Variants in BACH1 observed in about 807,000 individuals in gnomAD.
BACH1 encodes transcription regulator protein BACH1.
BACH1 carries 35 observed loss-of-function variants against 52.9 expected under a neutral mutation model. The observed-to-expected ratio is 0.66, with a 90% CI of 0.51 to 0.88. The LOEUF (loss-of-function observed/expected upper bound fraction) is 0.88, where lower values mean the gene tolerates loss of function less well. Ranked by LOEUF, BACH1 falls within the 40% of genes least tolerant of loss-of-function variation. The pLI, the probability that BACH1 is intolerant of heterozygous loss-of-function variation, is 0.00. For synonymous variants in BACH1, 321 were observed against 319.6 expected (o/e 1.00, Z -0.05); for missense variants, 808 against 872.6 (o/e 0.93, Z 0.93).
At chr21:29,301,050 G>A (rs1205108424) in intron 1 of BACH1, among the ~76,000 whole-genome samples, 1 of 152,156 alleles carries the variant, frequency 6.6e-6, no homozygotes, top group Non-Finnish European at 1.5e-5. Flanking sequence ...AATGGGAAAT[G>A]TAGAGCTGGG....
intron 4 of BACH1, among the ~76,000 whole-genome samples, chr21:29,339,718 C>T (rs536154553): frequency 2.6e-5 from 4 of 151,104 alleles, no homozygotes; most frequent in African/African-American, 7.3e-5. Flanking sequence ...CCGCAACCTC[C>T]GTCTCCCAGG....
intron 2 of BACH1, 119 bp downstream of exon 2, chr21:29,321,633 T>C (rs1202837391): frequency 1.2e-6 from 1 of 827,830 alleles, no homozygotes; most frequent in Non-Finnish European, 1.8e-6. Context: ...TTTCCCAGGT[T>C]CTGTGCAACC....
intron 1 of BACH1, among the ~76,000 whole-genome samples, chr21:29,300,598 A>G (rs905152749): frequency 2.6e-5 from 4 of 152,198 alleles, no homozygotes; most frequent in African/African-American, 7.2e-5. Flanking sequence ...ACTGGGGAAG[A>G]AATTTGCAGC....
rs2088914537 is a variant in BACH1 at position 29,326,586 on chromosome 21, G to T, written c.762G>T (p.Gln254His). 2 of 1,614,082 alleles carry T rather than the reference G, an allele frequency of 1.2e-6. No individual in the cohort carries two copies. Among genetic ancestry groups the T allele is most frequent in the South Asian group, 1.1e-5 (1 of 91,090 alleles). The change falls in exon 3 of 5, where the codon CAG (glutamine) becomes CAT (histidine). Residue 254 changes from glutamine (Q) to histidine (H), a missense_variant. Coordinates refer to ENST00000286800, the MANE Select transcript of BACH1 (RefSeq NM_001186.4). ...SSVKDIHASVQPNERSENECL... is the reference protein window; with the variant it reads ...SSVKDIHASVHPNERSENECL... ...TCAAAGACATTCATGCTTCTGTTCA[G>T]CCAAATGAAAGGTCTGAAAATGAAT...
At chr21:29,321,162 G>A in intron 1 of BACH1, 59 bp from the exon 2 acceptor site, 1 of 888,380 alleles carries the variant, frequency 1.1e-6, no homozygotes, top group South Asian at 1.6e-5. Context: ...GCCTGTATTT[G>A]ACACTGTCAT....
downstream of BACH1, among the ~76,000 whole-genome samples, chr21:29,350,574 C>T (rs538421571): frequency 2.6e-5 from 4 of 152,332 alleles, no homozygotes; most frequent in African/African-American, 9.6e-5. Context: ...ACCACCTATA[C>T]TCCGCTAATC....
At chr21:29,313,718 C>T (rs1040868999) in intron 1 of BACH1, among the ~76,000 whole-genome samples, 2 of 151,998 alleles carry the variant, frequency 1.3e-5, no homozygotes, top group African/African-American at 4.8e-5. Context: ...AGTAAGAGTA[C>T]ATAATATGTG....
intron 2 of BACH1, among the ~76,000 whole-genome samples, chr21:29,322,691 A>G (rs895426005): frequency 6.6e-6 from 1 of 152,234 alleles, no homozygotes; most frequent in Non-Finnish European, 1.5e-5. Flanking sequence ...ACGGTTGGAT[A>G]AACTGTAAAC....
rs145211547 is a variant in BACH1, at chr21:29,343,179, A to G, written c.*346A>G. The stretch of plus-strand genomic sequence containing the variant: ...TCAGACAGCAATTTAACAGCTTGAA[A>G]CATCTACAGATAGTTCCTACTAAAA... On this transcript the variant is annotated 3_prime_UTR_variant, in exon 5 of 5. Transcript: ENST00000286800. 2.2e-3 allele frequency: 371 copies of G among 169,048 alleles called. 5 individuals carry two copies. Among genetic ancestry groups the G allele is most frequent in the Admixed American group, 0.015 (260 of 17,636 alleles). 10.5% of individuals were successfully genotyped at this position (169,048 alleles called of 1,614,324 possible). A position where few individuals can be genotyped will look rare whatever the true frequency, so the allele number is the denominator to read the frequency against.
intron 4 of BACH1, among the ~76,000 whole-genome samples, chr21:29,341,296 C>G (rs890428909): frequency 2.0e-5 from 3 of 152,164 alleles, no homozygotes; most frequent in Admixed American, 1.3e-4. Flanking sequence ...CCTCAACTCT[C>G]CAGAACCTGT....
chr21:29,331,984 T>TC (rs2088988949), intron 4 of BACH1, among the ~76,000 whole-genome samples: 1 of 152,158 alleles, frequency 6.6e-6, no homozygotes, highest in Admixed American at 6.5e-5. Flanking sequence ...CACTGCAACT[T>TC]CCGCTTCCCG....
chr21:29,315,426 T>A (rs1283138912), intron 1 of BACH1, among the ~76,000 whole-genome samples: 2 of 152,116 alleles, frequency 1.3e-5, no homozygotes, highest in Non-Finnish European at 2.9e-5. Flanking sequence ...TGAAAGTAAT[T>A]GACAGGTTGA....
intron 2 of BACH1, among the ~76,000 whole-genome samples, chr21:29,351,400 C>T (rs978987038): frequency 6.6e-6 from 1 of 152,162 alleles, no homozygotes; most frequent in African/African-American, 2.4e-5. Context: ...CTATTAATTT[C>T]AGAGAATCTT....
intron 1 of BACH1, among the ~76,000 whole-genome samples, chr21:29,301,370 A>G (rs2088601781): frequency 6.6e-6 from 1 of 152,236 alleles, no homozygotes; most frequent in Non-Finnish European, 1.5e-5. Flanking sequence ...TGCTGGGGGA[A>G]CATAGCCTGT....
In BACH1 at chr21:29,354,505, G is replaced by C. The variant is rs371735001; in HGVS notation, c.472+24812G>C. Among the ~76,000 whole-genome samples the C allele has an allele frequency of 4.6e-5, 7 of 152,260 alleles. No individual in the cohort carries two copies. In the South Asian group the frequency reaches 1.4e-3, roughly 32 times the overall value. On this transcript the variant is annotated intron_variant, in intron 2 of 4. Transcript: ENST00000422809. ...GGTGGACTGGACCAGGGATGTGTTCGTGGGAAATCAGAACAGTGGCCAGAT... is the reference window on the plus strand; with the variant it reads ...GGTGGACTGGACCAGGGATGTGTTCCTGGGAAATCAGAACAGTGGCCAGAT...
intron 1 of BACH1, among the ~76,000 whole-genome samples, chr21:29,310,577 G>A (rs550264747): frequency 3.3e-5 from 5 of 152,364 alleles, no homozygotes; most frequent in Admixed American, 1.3e-4. Context: ...GCAAGTCAGT[G>A]AAGTGATCGT....
chr21:29,359,851 C>T (rs890181859), intron 2 of BACH1, among the ~76,000 whole-genome samples: 11 of 152,166 alleles, frequency 7.2e-5, no homozygotes, highest in Non-Finnish European at 2.9e-5. Context: ...TTCACAGGCC[C>T]AGGACAGAGG....
chr21:29,333,105 C>T (rs2089004529), intron 4 of BACH1, among the ~76,000 whole-genome samples: 1 of 152,180 alleles, frequency 6.6e-6, no homozygotes, highest in Non-Finnish European at 1.5e-5. Context: ...TTCTGTACTG[C>T]GTAGATGTCT....
intron 2 of BACH1, chr21:29,361,571 A>G (rs1331706421): frequency 2.0e-5 from 3 of 152,224 alleles, no homozygotes; most frequent in South Asian, 4.2e-4. Context: ...GCAGCACACC[A>G]CTACCTACGA....
Sources: gnomAD v4.1 joint callset for allele counts (sites outside exome capture counted in the v4.1 genomes callset) on GRCh38, gnomAD v4.1.1 for gene constraint, MANE v1.5 for transcripts, NCBI Gene and HGNC (gene_info 2026-07-23, HGNC 2026-07-21) for gene names.